FAT2: variants seen among roughly 807,000 people sequenced by gnomAD.
The protein encoded by FAT2 is FAT atypical cadherin 2.
A neutral mutation model predicts 295.3 loss-of-function variants in FAT2; 150 were observed. The observed-to-expected ratio is 0.51, with a 90% CI of 0.44 to 0.58. The LOEUF (loss-of-function observed/expected upper bound fraction) is 0.58. FAT2 is among the 20% of genes least tolerant of loss of function. The probability of loss-of-function intolerance (pLI) is 0.00; values close to 1 mark genes in which losing one functional copy is unlikely to be tolerated. For missense variants in FAT2, 4,868 were observed against 5,442.7 expected, an observed-to-expected ratio of 0.89 and a Z score of 3.32; for synonymous variants, 2,026 against 2,150.3, an observed-to-expected ratio of 0.94 and a Z score of 1.60.
intron 23 of FAT2, 102 bp from the exon 24 acceptor site, chr5:151,506,199 A>C: frequency 7.7e-7 from 1 of 1,292,648 alleles, no homozygotes; most frequent in South Asian, 1.8e-5. Flanking sequence ...TGGAGATGGG[A>C]GTGGGTGGGC....
At chr5:151,519,216 C>T (rs1480281572) in intron 19 of FAT2, among the ~76,000 whole-genome samples, 6 of 152,166 alleles carry the variant, frequency 3.9e-5, no homozygotes, top group South Asian at 2.1e-4. Flanking sequence ...TGGTGGCACT[C>T]GCCTGTAATT....
Position 151,566,186 on chromosome 5 carries a change from C to T in FAT2, c.2746G>A (p.Glu916Lys). ...FSVTDLIITL[E>K]DVNDNSPQCI... is the part of the protein sequence containing the mutation. ...TGGGGAGAGTTGTCGTTGACATCCT[C>T]CAATGTGATTATCAGGTCAGTGACA... Residue 916 changes from glutamate (E) to lysine (K), a missense_variant, in exon 2 of 24, where the codon GAG becomes AAG. Glu to Lys is a moderately conservative substitution (Grantham distance 56). Coordinates refer to ENST00000261800, the MANE Select transcript of FAT2 (RefSeq NM_001447.3). 1 of 1,614,124 alleles carries T rather than the reference C, an allele frequency of 6.2e-7. No homozygotes were observed. Among genetic ancestry groups the T allele is most frequent in the South Asian group, 1.1e-5 (1 of 91,064 alleles).
chr5:151,577,317 T>C (rs938813876), intron 1 of FAT2, among the ~76,000 whole-genome samples: 1 of 152,112 alleles, frequency 6.6e-6, no homozygotes, highest in Admixed American at 6.5e-5. Flanking sequence ...GTTGGGGATG[T>C]GAAGAAAGTG....
In FAT2 at chr5:151,505,865, A is replaced by C. The variant is rs376159254; in HGVS notation, c.12750T>G (p.Asp4250Glu). The change falls in exon 24 of 24, where the codon GAT becomes GAG. Residue 4250 changes from aspartate (D) to glutamate (E), a missense_variant. Around this residue, in one of 5 missense-constraint regions of FAT2, gnomAD observed 492 missense variants for 482.6 expected, o/e 1.02. Transcript: ENST00000261800. ...GACTAGGGGGCCGAGAGGGCATCAG[A>C]TCTTCCAGGTTCTGGTTGCTGTAAC... is the stretch of plus-strand genomic sequence containing the variant. ...PPRYSNQNLE[D>E]LMPSRPPSPR... 6.2e-7 allele frequency: 1 copy of C among 1,608,250 alleles called. No homozygotes were observed.
At chr5:151,541,992 AG>A (rs1561847669) in intron 10 of FAT2, among the ~76,000 whole-genome samples, 1 of 152,254 alleles carries the variant, frequency 6.6e-6, no homozygotes. Context: ...GACAACTGAC[AG>A]CAGTTAGAGT....
chr5:151,552,539 A>G (rs1214119702), intron 6 of FAT2, among the ~76,000 whole-genome samples: 1 of 152,166 alleles, frequency 6.6e-6, no homozygotes, highest in South Asian at 2.1e-4. Flanking sequence ...AAGGGCCTAT[A>G]CATCCTCTAA....
At chr5:151,578,062 A>G (rs1457421404) in intron 1 of FAT2, among the ~76,000 whole-genome samples, 1 of 152,086 alleles carries the variant, frequency 6.6e-6, no homozygotes, top group Non-Finnish European at 1.5e-5. Flanking sequence ...AGCTTAGCAG[A>G]ATACTGCCTG....
chr5:151,574,131 C>T (rs537834615), intron 1 of FAT2, among the ~76,000 whole-genome samples: 1 of 152,234 alleles, frequency 6.6e-6, no homozygotes, highest in South Asian at 2.1e-4. Flanking sequence ...ATACACCTGC[C>T]AATGCTTGTT....
intron 12 of FAT2, among the ~76,000 whole-genome samples, chr5:151,537,335 AAAG>A: frequency 3.8e-3 from 2 of 526 alleles, no homozygotes; most frequent in Non-Finnish European, 6.4e-3. Flanking sequence ...AAAAGAAAGA[AAAG>A]AAAAGAAAAG....
At chr5:151,515,227 T>A (rs1475138131) in intron 20 of FAT2, among the ~76,000 whole-genome samples, 1 of 152,144 alleles carries the variant, frequency 6.6e-6, no homozygotes, top group Non-Finnish European at 1.5e-5. Context: ...CATACAATAC[T>A]CCCTGGGTTT....
chr5:151,551,396 G>A, intron 7 of FAT2, 71 bp downstream of exon 7: 3 of 1,547,556 alleles, frequency 1.9e-6, no homozygotes, highest in Non-Finnish European at 1.8e-6. Flanking sequence ...GAAAACCTCT[G>A]TAGCCTCATC....
Position 151,546,355 on chromosome 5 carries a change from A to G in FAT2, c.4790-18T>C, listed in dbSNP as rs1159261075. 2.5e-6 allele frequency: 4 copies of G among 1,596,878 alleles called. No homozygotes were observed. Among genetic ancestry groups the G allele is most frequent in the Non-Finnish European group, 3.4e-6 (4 of 1,170,446 alleles). ...GCTGTTCCCTGAAACAGAAGACAAG[A>G]CAAACAAGTTTGCCACACCCTCGAC... is the stretch of plus-strand genomic sequence containing the variant. On this transcript the variant is annotated intron_variant, in intron 9 of 23. Coordinates refer to ENST00000261800, the MANE Select transcript of FAT2 (RefSeq NM_001447.3).
At chr5:151,548,559 C>A (rs1043788848) in intron 9 of FAT2, among the ~76,000 whole-genome samples, 5 of 152,250 alleles carry the variant, frequency 3.3e-5, no homozygotes, top group African/African-American at 1.2e-4. Flanking sequence ...CAGCTCACTG[C>A]AACCTCTGCC....
intron 1 of FAT2, among the ~76,000 whole-genome samples, chr5:151,583,487 A>G (rs1759045183): frequency 6.6e-6 from 1 of 152,220 alleles, no homozygotes; most frequent in Admixed American, 6.5e-5. Flanking sequence ...AAGTTTAAAA[A>G]CAGGCAAAAC....
upstream of FAT2, among the ~76,000 whole-genome samples, chr5:151,592,084 G>C (rs113360755): frequency 1.0e-3 from 152 of 152,326 alleles, no homozygotes; most frequent in African/African-American, 3.4e-3. Context: ...AAAGCACGGT[G>C]AGTGATGGCT....
intron 21 of FAT2, chr5:151,511,865 GCA>G: frequency 2.5e-6 from 1 of 405,688 alleles, no homozygotes; most frequent in Non-Finnish European, 4.5e-6. Flanking sequence ...AGGAGACTGT[GCA>G]TAGACCAGTG....
rs1401780883 is a variant in FAT2, at chr5:151,566,121, G to T, written c.2811C>A (p.Asp937Glu). 2 of 1,614,066 alleles carry T rather than the reference G, an allele frequency of 1.2e-6. No individual in the cohort carries two copies. The highest frequency in any genetic ancestry group is 1.7e-6 in the Non-Finnish European group (2 of 1,180,038). The change falls in exon 2 of 24, where the codon GAC becomes GAA. Residue 937 changes from aspartate to glutamate, a missense_variant. Coordinates refer to ENST00000261800, the MANE Select transcript of FAT2 (RefSeq NM_001447.3). The stretch of plus-strand genomic sequence containing the variant: ...ATGTCAAGACAGTCCCGGGGGGCAG[G>T]TCCTCTGGAACCTTCAGCCTGTTGT... ...TEHNRLKVPE[D>E]LPPGTVLTFL...
At chr5:151,515,960 C>T (rs1752822429) in intron 20 of FAT2, among the ~76,000 whole-genome samples, 1 of 152,184 alleles carries the variant, frequency 6.6e-6, no homozygotes, top group Non-Finnish European at 1.5e-5. Flanking sequence ...AGATATGCCC[C>T]ATCCCATTAC....
intron 21 of FAT2, chr5:151,511,550 T>C (rs1761324072): frequency 6.5e-6 from 1 of 153,230 alleles, no homozygotes; most frequent in Admixed American, 6.5e-5. Flanking sequence ...CCTGCAGCAT[T>C]GATGATGGAG....
Sources: gnomAD v4.1 joint callset for allele counts (sites outside exome capture counted in the v4.1 genomes callset) on GRCh38, gnomAD v4.1.1 for gene constraint, gnomAD v4.1.1 regional missense constraint, MANE v1.5 for transcripts, NCBI Gene and HGNC (gene_info 2026-07-23, HGNC 2026-07-21) for gene names.